STARD9: variants seen among roughly 807,000 people sequenced by gnomAD.
The protein encoded by STARD9 is stAR-related lipid transfer protein 9.
A neutral mutation model predicts 399.8 loss-of-function variants in STARD9; 346 were observed. The ratio of observed to expected loss-of-function variants is 0.87; its 90% confidence interval spans 0.79 to 0.95. STARD9 has a LOEUF of 0.95. STARD9 is among the 40% of genes least tolerant of loss of function. The pLI is 0.00. For missense variants in STARD9, 5,832 were observed against 5,667.5 expected (o/e 1.03, Z -0.93); for synonymous variants, 2,203 against 2,143.5 (o/e 1.03, Z -0.77).
In STARD9 at chr15:42,675,780, GC is replaced by G. The variant is rs1320504837; in HGVS notation, c.1770+36del. On this transcript the variant is annotated intron_variant, in intron 19 of 32. Transcript: ENST00000290607. ...GGCTGTGTTTTCTAGGTTATTGCTG[GC>G]CTCCCTGTTTCCACCTTTTAGATGA... is the stretch of plus-strand genomic sequence containing the variant. The G allele has an allele frequency of 3.3e-6, 5 of 1,534,174 alleles. No homozygotes were observed. The South Asian group carries it at 3.6e-5, about 11-fold the overall frequency.
At chr15:42,702,055 C>T (rs2060976542) in intron 26 of STARD9, among the ~76,000 whole-genome samples, 1 of 148,610 alleles carries the variant, frequency 6.7e-6, no homozygotes. Flanking sequence ...AGGTTGGACA[C>T]ACCTGCTTAT....
intron 3 of STARD9, among the ~76,000 whole-genome samples, chr15:42,619,766 C>G (rs2059049325): frequency 6.6e-6 from 1 of 152,194 alleles, no homozygotes; most frequent in Non-Finnish European, 1.5e-5. Flanking sequence ...CCACTCACCT[C>G]CTGCTGTGTG....
intron 12 of STARD9, 74 bp downstream of exon 12, chr15:42,663,564 G>A: frequency 1.3e-6 from 1 of 796,284 alleles, no homozygotes; most frequent in South Asian, 1.7e-5. Context: ...TGGCCCCAGT[G>A]AGTGGGATGC....
intron 3 of STARD9, among the ~76,000 whole-genome samples, chr15:42,593,764 C>T (rs950696054): frequency 6.9e-6 from 1 of 145,916 alleles, no homozygotes; most frequent in Non-Finnish European, 1.5e-5. Context: ...CCCAGGTCCA[C>T]GCCATTCTCC....
At position 42,686,529 on chromosome 15, in the gene STARD9, C is replaced by A; in HGVS notation, c.4951C>A (p.Gln1651Lys). The change falls in exon 23 of 33, where the codon CAG (glutamine) becomes AAG (lysine). Residue 1651 changes from glutamine (Q) to lysine (K), a missense_variant. Physicochemically the swap from Gln to Lys is moderately conservative, Grantham distance 53. This residue lies in a region of STARD9 where 5,828 missense variants were observed against 5,651.1 expected (regional missense o/e 1.03). Transcript: ENST00000290607. ...LMTSSDEDFFQKNACHSNVTT... is the reference protein window; with the variant it reads ...LMTSSDEDFFKKNACHSNVTT... Reference sequence around the variant, plus strand: ...GACTTCCTCTGATGAGGATTTTTTCCAGAAGAACGCTTGTCACAGTAATGT... The same window carrying A: ...GACTTCCTCTGATGAGGATTTTTTCAAGAAGAACGCTTGTCACAGTAATGT... The A allele has an allele frequency of 6.5e-7, 1 of 1,537,564 alleles. No individual in the cohort carries two copies. The highest frequency in any genetic ancestry group is 1.4e-5 in the African/African-American group (1 of 73,124).
Position 42,685,637 on chromosome 15 carries a change from A to G in STARD9, c.4059A>G (p.Ile1353Met). 1.3e-6 allele frequency: 2 copies of G among 1,537,368 alleles called. No individual in the cohort carries two copies. Among genetic ancestry groups the G allele is most frequent in the Non-Finnish European group, 1.7e-6 (2 of 1,146,940 alleles). Residue 1353 changes from isoleucine (I) to methionine (M), a missense_variant, in exon 23 of 33, where the codon ATA becomes ATG. By Grantham distance (10) the Ile-to-Met change is conservative. Coordinates refer to ENST00000290607, the MANE Select transcript of STARD9 (RefSeq NM_020759.3). ...TCAACCCCAGCAGCCCCCCAGGAAT[A>G]GTGGGTTCTTTATGTCCAAGTCCTG... is the stretch of plus-strand genomic sequence containing the variant. ...SKINPSSPPG[I>M]VGSLCPSPDM...
At chr15:42,633,276 A>G (rs995795831) in intron 3 of STARD9, among the ~76,000 whole-genome samples, 5 of 152,250 alleles carry the variant, frequency 3.3e-5, no homozygotes, top group African/African-American at 1.2e-4. Flanking sequence ...TTTTATACCT[A>G]AAGAAACTGA....
rs1299602579 is a variant in STARD9, at chr15:42,685,928, G to C, written c.4350G>C (p.Gln1450His). 6.5e-7 allele frequency: 1 copy of C among 1,537,178 alleles called. No homozygotes were observed. Among genetic ancestry groups the C allele is most frequent in the Admixed American group, 2.0e-5 (1 of 51,004 alleles). The change falls in exon 23 of 33, where the codon CAG becomes CAC. Residue 1450 changes from glutamine (Q) to histidine (H), a missense_variant. Gln to His is a conservative substitution (Grantham distance 24, BLOSUM62 0). Around this residue, in one of 2 missense-constraint regions of STARD9, gnomAD observed 5,828 missense variants for 5,651.1 expected, o/e 1.03. Coordinates refer to ENST00000290607, the MANE Select transcript of STARD9 (RefSeq NM_020759.3). ...FQGRCIPDMTQQGSSEASHNS... is the reference protein window; with the variant it reads ...FQGRCIPDMTHQGSSEASHNS... The stretch of plus-strand genomic sequence containing the variant: ...GCAGATGTATCCCTGACATGACCCA[G>C]CAGGGCAGCTCTGAAGCATCCCACA...
rs529206032 is a variant in STARD9, at chr15:42,717,414, G to A, written c.13495-317G>A. Among the ~76,000 whole-genome samples, 11 of 152,136 alleles carry A rather than the reference G, an allele frequency of 7.2e-5. No individual in the cohort carries two copies. The East Asian group carries it at 1.9e-3, about 27-fold the overall frequency. ...GAGGTGGGAAGATTGCTTGAGTCCAGGAGTTCAAGACCAGCCTGGGCAACA... is the reference window on the plus strand; with the variant it reads ...GAGGTGGGAAGATTGCTTGAGTCCAAGAGTTCAAGACCAGCCTGGGCAACA... On this transcript the variant is annotated intron_variant, in intron 28 of 32. Coordinates refer to ENST00000290607, the MANE Select transcript of STARD9 (RefSeq NM_020759.3).
At chr15:42,712,430 A>G (rs2061260943) in intron 26 of STARD9, among the ~76,000 whole-genome samples, 1 of 151,844 alleles carries the variant, frequency 6.6e-6, no homozygotes, top group Non-Finnish European at 1.5e-5. Flanking sequence ...GTTTTCTTCT[A>G]AGAGTTTTAT....
Position 42,686,373 on chromosome 15 carries a change from G to C in STARD9, c.4795G>C (p.Ala1599Pro). Residue 1599 changes from alanine to proline, a missense_variant, in exon 23 of 33, where the codon GCT becomes CCT. Physicochemically the swap from Ala to Pro is conservative, Grantham distance 27. This residue lies in a region of STARD9 where 5,828 missense variants were observed against 5,651.1 expected (regional missense o/e 1.03). Transcript: ENST00000290607. ...TYSADLESLSASRSTNAQVFA... is the reference protein window; with the variant it reads ...TYSADLESLSPSRSTNAQVFA... ...TTCGGCAGACTTAGAATCATTGTCTGCTTCTCGATCTACAAATGCACAGGT... is the reference window on the plus strand; with the variant it reads ...TTCGGCAGACTTAGAATCATTGTCTCCTTCTCGATCTACAAATGCACAGGT... 1 of 1,537,536 alleles carries C rather than the reference G, an allele frequency of 6.5e-7. No homozygotes were observed.
intron 26 of STARD9, among the ~76,000 whole-genome samples, chr15:42,712,685 C>T (rs1399709747): frequency 3.3e-5 from 5 of 152,074 alleles, no homozygotes; most frequent in South Asian, 4.1e-4. Context: ...CATATCTATC[C>T]TTATGCCAGT....
At chr15:42,634,233 T>C (rs1260688854) in intron 3 of STARD9, among the ~76,000 whole-genome samples, 1 of 152,170 alleles carries the variant, frequency 6.6e-6, no homozygotes, top group Non-Finnish European at 1.5e-5. Flanking sequence ...AGAGTCTGCC[T>C]AACAGAGCTC....
chr15:42,580,333 C>T (rs1402697565), intron 1 of STARD9, among the ~76,000 whole-genome samples: 1 of 152,172 alleles, frequency 6.6e-6, no homozygotes, highest in Non-Finnish European at 1.5e-5. Context: ...ACCCCAAGCC[C>T]AGAATCTTGC....
chr15:42,626,303 TTCTTCC>T (rs902006149), intron 3 of STARD9, among the ~76,000 whole-genome samples: 7 of 149,800 alleles, frequency 4.7e-5, no homozygotes, highest in Non-Finnish European at 3.0e-5. Flanking sequence ...CTTCCTCCCC[TTCTTCC>T]TCTTCCTCTT....
chr15:42,690,054 A>C lies in STARD9; in HGVS notation c.8476A>C (p.Ser2826Arg). 6.5e-7 allele frequency: 1 copy of C among 1,537,526 alleles called. No individual in the cohort carries two copies. Residue 2826 changes from serine (S) to arginine (R), a missense_variant, in exon 23 of 33, where the codon AGT (serine) becomes CGT (arginine). Ser to Arg is a moderately radical substitution (Grantham distance 110, BLOSUM62 -1). Coordinates refer to ENST00000290607, the MANE Select transcript of STARD9 (RefSeq NM_020759.3). ...GACCTGTGATGTTCAGAATTCTACA[A>C]GTGCCTCAGGGCCTAAGCAAGACCA... is the stretch of plus-strand genomic sequence containing the variant. ...SVTCDVQNST[S>R]ASGPKQDHVQ...
chr15:42,693,951 G>A lies in STARD9; in HGVS notation c.12373G>A (p.Ala4125Thr), dbSNP rs1244282662. The A allele has an allele frequency of 7.3e-6, 11 of 1,503,414 alleles. No homozygotes were observed. The highest frequency in any genetic ancestry group is 8.9e-6 in the Non-Finnish European group (10 of 1,128,544). The allele number at this position is 1,503,414 out of a possible 1,614,324, so 93.1% of individuals were successfully genotyped here. ...GTGCTTCAGTTGCCAGATGTGCATGGCCCCTGAGCACCAGCACCACAGTCT... is the reference window on the plus strand; with the variant it reads ...GTGCTTCAGTTGCCAGATGTGCATGACCCCTGAGCACCAGCACCACAGTCT... Reference protein sequence around the residue: ...LLCFSCQMCMAPEHQHHSLRD... With the variant: ...LLCFSCQMCMTPEHQHHSLRD... The change falls in exon 23 of 33, where the codon GCC becomes ACC. Residue 4125 changes from alanine to threonine, a missense_variant. Physicochemically the swap from Ala to Thr is moderately conservative, Grantham distance 58. Around this residue, in one of 2 missense-constraint regions of STARD9, gnomAD observed 5,828 missense variants for 5,651.1 expected, o/e 1.03. Transcript: ENST00000290607.
In STARD9 at chr15:42,695,885, G is replaced by A; in HGVS notation, c.13284+5G>A. 6.5e-7 allele frequency: 1 copy of A among 1,536,656 alleles called. No homozygotes were observed. The highest frequency in any genetic ancestry group is 8.7e-7 in the Non-Finnish European group (1 of 1,146,522). On this transcript the variant is annotated splice_donor_5th_base_variant and intron_variant, in intron 26 of 32. Transcript: ENST00000290607. ...CTCCAGTTCCCAGAGAATATGGTGA[G>A]TAGGCAGATGTTGGGAATGAGCCAG...
chr15:42,687,042 G>A lies in STARD9; in HGVS notation c.5464G>A (p.Asp1822Asn). ...SQQVTAEIPV[D>N]LNTREVIRES... is the part of the protein sequence containing the mutation. ...GCAGGTCACAGCTGAGATACCAGTT[G>A]ATCTGAATACCAGGGAAGTCATCAG... Residue 1822 changes from aspartate (D) to asparagine (N), a missense_variant, in exon 23 of 33, where the codon GAT becomes AAT. Around this residue, in one of 2 missense-constraint regions of STARD9, gnomAD observed 5,828 missense variants for 5,651.1 expected, o/e 1.03. Transcript: ENST00000290607. The A allele has an allele frequency of 1.3e-6, 2 of 1,537,022 alleles. No homozygotes were observed. The highest frequency in any genetic ancestry group is 1.7e-6 in the Non-Finnish European group (2 of 1,146,820).
Sources: allele counts gnomAD v4.1 joint callset (sites outside exome capture counted in the v4.1 genomes callset), GRCh38; gene constraint gnomAD v4.1.1; regional missense constraint gnomAD v4.1.1; transcripts MANE v1.5; gene names NCBI Gene and HGNC (gene_info 2026-07-23, HGNC 2026-07-21).